Variants in EFR3A observed in about 807,000 individuals in gnomAD.
EFR3A encodes the protein EFR3 homolog A.
In EFR3A, 76 loss-of-function variants were observed where a neutral mutation model predicts 104.4. The ratio of observed to expected loss-of-function variants is 0.73; its 90% CI spans 0.60 to 0.88. EFR3A has a LOEUF of 0.88. EFR3A is among the 40% of genes least tolerant of loss of function. EFR3A has a pLI of 0.00. For missense variants in EFR3A, 985 were observed against 1,012.5 expected (o/e 0.97, Z 0.37); for synonymous variants, 330 against 330.0 (o/e 1.00, Z 0.00).
chr8:131,921,511 G>A (rs1586536618), intron 1 of EFR3A, among the ~76,000 whole-genome samples: 1 of 152,048 alleles, frequency 6.6e-6, no homozygotes, highest in East Asian at 1.9e-4. Context: ...CATAACAGAG[G>A]TATATCAGAC....
intron 19 of EFR3A, among the ~76,000 whole-genome samples, chr8:131,996,736 G>C (rs1345074060): frequency 6.6e-6 from 1 of 152,026 alleles, no homozygotes; most frequent in Non-Finnish European, 1.5e-5. Flanking sequence ...TATGATGTCA[G>C]ATTTCACATT....
intron 14 of EFR3A, among the ~76,000 whole-genome samples, chr8:131,982,949 G>T (rs1454691042): frequency 1.3e-5 from 2 of 152,118 alleles, no homozygotes; most frequent in Non-Finnish European, 2.9e-5. Context: ...GCCAAAAAAG[G>T]CTTACTAACA....
intron 10 of EFR3A, among the ~76,000 whole-genome samples, chr8:131,972,617 TC>T (rs1041725630): frequency 3.3e-5 from 5 of 152,164 alleles, no homozygotes; most frequent in African/African-American, 1.2e-4. Flanking sequence ...CTTTTTTCTT[TC>T]AATATTTTCT....
intron 2 of EFR3A, among the ~76,000 whole-genome samples, chr8:131,941,898 C>T (rs1308027709): frequency 2.0e-5 from 3 of 152,010 alleles, no homozygotes; most frequent in Non-Finnish European, 4.4e-5. Context: ...AGACTTCAAG[C>T]GAAGGTTTAT....
chr8:131,933,193 A>G (rs1424339803), intron 1 of EFR3A, among the ~76,000 whole-genome samples: 3 of 152,170 alleles, frequency 2.0e-5, no homozygotes, highest in Non-Finnish European at 4.4e-5. Flanking sequence ...TTATTTTTGC[A>G]TCATTTGATT....
intron 1 of EFR3A, among the ~76,000 whole-genome samples, chr8:131,934,062 G>C (rs1388498947): frequency 6.6e-6 from 1 of 152,110 alleles, no homozygotes; most frequent in African/African-American, 2.4e-5. Flanking sequence ...AAAGAATCAT[G>C]TAATAAAATA....
chr8:132,008,863 A>G (rs1822175173), intron 22 of EFR3A, among the ~76,000 whole-genome samples: 3 of 150,448 alleles, frequency 2.0e-5, no homozygotes, highest in African/African-American at 7.3e-5. Flanking sequence ...AAAAAAAAAA[A>G]AAAAAAAAAA....
intron 1 of EFR3A, among the ~76,000 whole-genome samples, chr8:131,931,735 T>C (rs1441136702): frequency 1.3e-5 from 2 of 152,034 alleles, no homozygotes; most frequent in South Asian, 2.1e-4. Context: ...AGTTATTATA[T>C]ATGAAAAAAA....
chr8:132,010,237 A>G (rs1343893364), intron 22 of EFR3A, among the ~76,000 whole-genome samples: 1 of 151,652 alleles, frequency 6.6e-6, no homozygotes, highest in Admixed American at 6.6e-5. Flanking sequence ...CAAAGTCAAC[A>G]TTTTGAGTAC....
intron 16 of EFR3A, among the ~76,000 whole-genome samples, 158 bp downstream of exon 16, chr8:131,985,218 GCTA>G (rs1423815187): frequency 1.3e-5 from 2 of 152,114 alleles, no homozygotes; most frequent in Non-Finnish European, 2.9e-5. Flanking sequence ...TAAAACTGTA[GCTA>G]CTGTTTTTAT....
intron 22 of EFR3A, among the ~76,000 whole-genome samples, chr8:132,009,212 AAAG>A (rs1212088110): frequency 2.6e-5 from 4 of 152,138 alleles, no homozygotes; most frequent in Non-Finnish European, 4.4e-5. Flanking sequence ...TAATAAATTC[AAAG>A]AAGTATATAA....
intron 8 of EFR3A, among the ~76,000 whole-genome samples, chr8:131,965,412 A>G (rs1819647344): frequency 6.6e-6 from 1 of 152,240 alleles, no homozygotes; most frequent in Admixed American, 6.5e-5. Context: ...ATATGAACAG[A>G]CACTTCTCAA....
intron 9 of EFR3A, among the ~76,000 whole-genome samples, chr8:131,968,813 G>A (rs1366559325): frequency 2.0e-5 from 3 of 152,114 alleles, no homozygotes; most frequent in African/African-American, 7.2e-5. Context: ...ACAGAAGGGA[G>A]GGAAAATGGA....
chr8:131,987,856 T>C (rs547196985), intron 18 of EFR3A, among the ~76,000 whole-genome samples, 154 bp downstream of exon 18: 36 of 152,332 alleles, frequency 2.4e-4, no homozygotes, highest in Admixed American at 2.3e-3. Context: ...CTTCTGTTTT[T>C]TAATTTTGCT....
At chr8:131,949,324 C>G (rs898796730) in intron 4 of EFR3A, among the ~76,000 whole-genome samples, 2 of 152,078 alleles carry the variant, frequency 1.3e-5, no homozygotes, top group African/African-American at 2.4e-5. Context: ...AGCTAAATAA[C>G]TTGTCCAAAG....
chr8:131,964,562 G>C (rs1819587317), intron 8 of EFR3A, among the ~76,000 whole-genome samples: 1 of 152,150 alleles, frequency 6.6e-6, no homozygotes. Context: ...ACTGCTCAAC[G>C]AAATAAAAGA....
intron 18 of EFR3A, among the ~76,000 whole-genome samples, chr8:131,989,728 A>G (rs891420867): frequency 6.6e-6 from 1 of 152,158 alleles, no homozygotes; most frequent in Non-Finnish European, 1.5e-5. Context: ...AAGGGTAGAA[A>G]GGTGTTAAGA....
intron 19 of EFR3A, 68 bp from the exon 20 acceptor site, chr8:132,001,691 A>G: frequency 7.4e-7 from 1 of 1,356,516 alleles, no homozygotes; most frequent in Non-Finnish European, 1.1e-6. Context: ...GATGACTTGT[A>G]ACTAGGTAAA....
intron 2 of EFR3A, 67 bp from the exon 3 acceptor site, chr8:131,944,678 G>A: frequency 7.0e-7 from 1 of 1,435,704 alleles, no homozygotes; most frequent in Non-Finnish European, 9.3e-7. Flanking sequence ...TTGTAAAGCA[G>A]GCAACACTTA....
Sources: gnomAD v4.1 joint callset for allele counts (sites outside exome capture counted in the v4.1 genomes callset) on GRCh38, gnomAD v4.1.1 for gene constraint, MANE v1.5 for transcripts, NCBI Gene and HGNC (gene_info 2026-07-23, HGNC 2026-07-21) for gene names.